The following EMSY variants were observed in gnomAD, a reference collection of about 807,000 sequenced individuals.
The protein encoded by EMSY is EMSY transcriptional repressor, BRCA2 interacting.
In EMSY, 26 loss-of-function variants were observed where a neutral mutation model predicts 134.6. The observed-to-expected ratio is 0.19, with a 90% CI of 0.14 to 0.27. EMSY has a LOEUF of 0.27. EMSY is among the 10% of genes least tolerant of loss of function. The pLI is 1.00. For missense variants in EMSY, 1,305 were observed against 1,611.4 expected, an observed-to-expected ratio of 0.81 and a Z score of 3.26; for synonymous variants, 579 against 577.8, an observed-to-expected ratio of 1.00 and a Z score of -0.03.
chr11:76,453,432 A>G, intron 4 of EMSY, 44 bp downstream of exon 4: 10 of 1,557,276 alleles, frequency 6.4e-6, no homozygotes, highest in Non-Finnish European at 8.8e-6. Context: ...ATGACATAGT[A>G]TAACACAGTT....
At position 76,472,991 on chromosome 11, in the gene EMSY, A is replaced by C; in HGVS notation, c.1108+151A>C. Reference sequence around the variant, plus strand: ...CGTGTACCCCAGTTTGAGAATGTCAAGATGGTCGGTGATTCCATTTTCTTA... The same window carrying C: ...CGTGTACCCCAGTTTGAGAATGTCACGATGGTCGGTGATTCCATTTTCTTA... On this transcript the variant is annotated intron_variant, in intron 8 of 20. Transcript: ENST00000334736. 7.7e-6 allele frequency: 6 copies of C among 782,644 alleles called. No individual in the cohort carries two copies. In the South Asian group the frequency reaches 9.7e-5, roughly 13 times the overall value. The allele number at this position is 782,644 out of a possible 1,614,324, so 48.5% of individuals were successfully genotyped here.
intron 4 of EMSY, 107 bp from the exon 5 acceptor site, chr11:76,454,642 A>C (rs567378116): frequency 3.1e-6 from 2 of 641,106 alleles, no homozygotes; most frequent in African/African-American, 3.7e-5. Flanking sequence ...GTATTGTAGA[A>C]GCATTGGAAA....
chr11:76,445,470 G>C (rs956526984), intron 1 of EMSY, among the ~76,000 whole-genome samples: 6 of 152,198 alleles, frequency 3.9e-5, no homozygotes, highest in Admixed American at 1.3e-4. Context: ...AGAGGGGCTT[G>C]GGTCGTGGAC....
chr11:76,517,883 C>G (rs763697409), intron 11 of EMSY, among the ~76,000 whole-genome samples: 1 of 152,168 alleles, frequency 6.6e-6, no homozygotes, highest in East Asian at 1.9e-4. Context: ...CATTATGTCT[C>G]TATCTCTGCT....
intron 15 of EMSY, 103 bp from the exon 17 acceptor site, chr11:76,537,692 A>G: frequency 9.8e-7 from 1 of 1,022,970 alleles, no homozygotes; most frequent in Non-Finnish European, 1.4e-6. Context: ...AGTCACTGCC[A>G]GTGTGGCACC....
At chr11:76,481,211 T>G (rs915063793) in intron 8 of EMSY, among the ~76,000 whole-genome samples, 2 of 151,906 alleles carry the variant, frequency 1.3e-5, no homozygotes, top group Non-Finnish European at 2.9e-5. Context: ...GCCCAGCTAA[T>G]TTTTTGTATT....
At chr11:76,526,011 A>G (rs1361268842) in intron 12 of EMSY, among the ~76,000 whole-genome samples, 1 of 152,128 alleles carries the variant, frequency 6.6e-6, no homozygotes, top group Non-Finnish European at 1.5e-5. Context: ...AGCTACTGGT[A>G]TATTGCACAG....
rs1447108538 is a variant in EMSY, at chr11:76,513,366, T to C, written c.1364-20T>C. 1 of 1,611,106 alleles carries C rather than the reference T, an allele frequency of 6.2e-7. No individual in the cohort carries two copies. Among genetic ancestry groups the C allele is most frequent in the African/African-American group, 1.3e-5 (1 of 74,784 alleles). The stretch of plus-strand genomic sequence containing the variant: ...ATTTAAAAATAATTTGTGCTGAGAT[T>C]TATCTTTCTTCTTTCAAAGGTGTTA... On this transcript the variant is annotated intron_variant, in intron 9 of 20. Coordinates refer to ENST00000334736, the Ensembl canonical transcript of EMSY.
At chr11:76,471,815 TACATTTCTATCCCGTTC>T (rs1216321481) in intron 7 of EMSY, among the ~76,000 whole-genome samples, 1 of 152,196 alleles carries the variant, frequency 6.6e-6, no homozygotes, top group Non-Finnish European at 1.5e-5. Context: ...TTGTACCCTA[TACATTTCTATCCCGTTC>T]ACTAGATCTT....
intron 2 of EMSY, among the ~76,000 whole-genome samples, chr11:76,450,058 T>C (rs1423050725): frequency 0.056 from 21 of 374 alleles, no homozygotes; most frequent in Admixed American, 0.26. Context: ...GTACATTTGC[T>C]TTTTTTTTTT....
chr11:76,451,502 C>T (rs576124775), intron 2 of EMSY, among the ~76,000 whole-genome samples: 103 of 152,192 alleles, frequency 6.8e-4, no homozygotes, highest in Non-Finnish European at 1.2e-3. Flanking sequence ...AATGAAGATA[C>T]CTTTTAGTAA....
At chr11:76,546,111 G>A (rs2136827158) in exon 20 of EMSY, 2 of 1,614,174 alleles carry the variant, frequency 1.2e-6, no homozygotes, top group Non-Finnish European at 8.5e-7. Context: ...TGGTGGCAGG[G>A]ATGGCGAATT....
intron 5 of EMSY, chr11:76,459,037 A>G (rs546803862): frequency 2.0e-5 from 3 of 152,384 alleles, no homozygotes; most frequent in South Asian, 4.1e-4. Context: ...GGAACAGAGT[A>G]AGACACTTTT....
chr11:76,453,935 T>C (rs1947770549), intron 4 of EMSY: 1 of 152,174 alleles, frequency 6.6e-6, no homozygotes, highest in Non-Finnish European at 1.5e-5. Flanking sequence ...TACCAAATTG[T>C]TTTCTGATCA....
At chr11:76,497,991 G>A (rs186845990) in intron 9 of EMSY, among the ~76,000 whole-genome samples, 64 of 152,044 alleles carry the variant, frequency 4.2e-4, no homozygotes, top group Admixed American at 1.2e-3. Flanking sequence ...AATTTCTCTC[G>A]GCACTGTGTT....
At chr11:76,453,284 G>C in intron 3 of EMSY, 30 bp from the exon 4 acceptor site, 1 of 1,601,304 alleles carries the variant, frequency 6.2e-7, no homozygotes, top group Non-Finnish European at 8.5e-7. Context: ...CTGCTTGGCA[G>C]AGTTCTATAA....
chr11:76,531,391 C>A (rs1443899056), intron 14 of EMSY, among the ~76,000 whole-genome samples: 2 of 152,138 alleles, frequency 1.3e-5, no homozygotes, highest in Non-Finnish European at 2.9e-5. Context: ...AATAGGTCCT[C>A]AGCCTTTCTT....
chr11:76,531,512 A>T (rs1451482626), intron 14 of EMSY, among the ~76,000 whole-genome samples: 7 of 152,110 alleles, frequency 4.6e-5, no homozygotes. Context: ...CAGGAATTCC[A>T]CAGATAGGAT....
intron 18 of EMSY, 109 bp downstream of exon 19, chr11:76,542,476 T>C (rs1409204523): frequency 7.3e-7 from 1 of 1,363,602 alleles, no homozygotes; most frequent in Non-Finnish European, 1.0e-6. Flanking sequence ...GTAGAGTGTT[T>C]GTGTAATTCT....
Sources: gnomAD v4.1 joint callset for allele counts (sites outside exome capture counted in the v4.1 genomes callset) on GRCh38, gnomAD v4.1.1 for gene constraint, MANE v1.5 for transcripts, NCBI Gene and HGNC (gene_info 2026-07-23, HGNC 2026-07-21) for gene names.